TNR: variants seen among roughly 807,000 people sequenced by gnomAD.
TNR encodes the protein tenascin-R.
Under a neutral mutation model 150.4 loss-of-function variants are expected in TNR, and 45 were observed. That is an observed-to-expected ratio of 0.30 (90% CI 0.24 to 0.38). The LOEUF (loss-of-function observed/expected upper bound fraction) is 0.38. Ranked by LOEUF, TNR falls within the 10% of genes least tolerant of loss-of-function variation. The probability of loss-of-function intolerance (pLI) is 1.00; values close to 1 mark genes in which losing one functional copy is unlikely to be tolerated. For missense variants in TNR, 1,544 were observed against 1,759.1 expected (o/e 0.88, Z 2.19); for synonymous variants, 687 against 678.4 (o/e 1.01, Z -0.20).
intron 9 of TNR, among the ~76,000 whole-genome samples, chr1:175,373,968 C>A (rs1403629048): frequency 6.6e-6 from 1 of 152,154 alleles, no homozygotes; most frequent in Admixed American, 6.5e-5. Context: ...TTAGAGGGTG[C>A]CTTACCAAAG....
intron 2 of TNR, among the ~76,000 whole-genome samples, chr1:175,448,187 T>A (rs953177471): frequency 2.0e-5 from 3 of 152,094 alleles, no homozygotes; most frequent in African/African-American, 7.2e-5. Flanking sequence ...ACCTCCCACA[T>A]CCTGCTCTAA....
chr1:175,476,355 G>C (rs1384370214), intron 2 of TNR, among the ~76,000 whole-genome samples: 1 of 152,204 alleles, frequency 6.6e-6, no homozygotes, highest in Admixed American at 6.5e-5. Flanking sequence ...TATGGCAAAA[G>C]TACTTTCCTA....
chr1:175,465,952 C>G (rs1462735120), intron 2 of TNR, among the ~76,000 whole-genome samples: 1 of 152,136 alleles, frequency 6.6e-6, no homozygotes, highest in Non-Finnish European at 1.5e-5. Context: ...CATTTTCATA[C>G]CCTAAATCTG....
chr1:175,354,377 C>T lies in TNR; in HGVS notation c.3382+14G>A, dbSNP rs368037551. 2 of 1,612,610 alleles carry T rather than the reference C, an allele frequency of 1.2e-6. No individual in the cohort carries two copies. The highest frequency in any genetic ancestry group is 1.3e-5 in the African/African-American group (1 of 74,996). ...AGTGGAGAAGAAGGCATCAAAGTGG[C>T]CATGCTCCCTCACCTGTGGTGAAAG... On this transcript the variant is annotated intron_variant, in intron 18 of 22. Transcript: ENST00000367674.
At chr1:175,606,556 A>G (rs1280819587) in intron 1 of TNR, among the ~76,000 whole-genome samples, 1 of 152,112 alleles carries the variant, frequency 6.6e-6, no homozygotes, top group African/African-American at 2.4e-5. Flanking sequence ...TCTCATCTGT[A>G]AAGTGAAGGG....
At chr1:175,362,607 T>C in intron 14 of TNR, 56 bp downstream of exon 14, 6 of 1,589,854 alleles carry the variant, frequency 3.8e-6, no homozygotes, top group Non-Finnish European at 5.2e-6. Context: ...CCCGAACAAC[T>C]TCACCCAGAT....
Position 175,356,696 on chromosome 1 carries a change from C to A in TNR, c.2975-234G>T, listed in dbSNP as rs76678817. Among the ~76,000 whole-genome samples the A allele has an allele frequency of 9.2e-5, 14 of 152,252 alleles. No homozygotes were observed. The East Asian group carries it at 2.5e-3, about 27-fold the overall frequency. On this transcript the variant is annotated intron_variant, in intron 15 of 22. Coordinates refer to ENST00000367674, the MANE Select transcript of TNR (RefSeq NM_003285.3). ...GGTCAAATTGTCTTCTCTATAACTTCTATTCGTGTCTCTGGAGTTATTAAG... is the reference window on the plus strand; with the variant it reads ...GGTCAAATTGTCTTCTCTATAACTTATATTCGTGTCTCTGGAGTTATTAAG...
At chr1:175,635,597 C>T (rs1364627204) in intron 1 of TNR, among the ~76,000 whole-genome samples, 1 of 152,140 alleles carries the variant, frequency 6.6e-6, no homozygotes, top group Non-Finnish European at 1.5e-5. Context: ...TCCAGTTGCA[C>T]CAAGACAGAT....
chr1:175,566,791 C>T (rs1661662690), intron 1 of TNR, among the ~76,000 whole-genome samples: 1 of 152,208 alleles, frequency 6.6e-6, no homozygotes, highest in Non-Finnish European at 1.5e-5. Context: ...TCTGCAATCT[C>T]CTACTCACTT....
At chr1:175,654,867 C>T (rs546265965) in intron 1 of TNR, among the ~76,000 whole-genome samples, 15 of 151,840 alleles carry the variant, frequency 9.9e-5, no homozygotes, top group Admixed American at 2.0e-4. Flanking sequence ...TACAGGCACC[C>T]GCCACCACAG....
chr1:175,433,304 C>T (rs1378721455), intron 2 of TNR, among the ~76,000 whole-genome samples: 1 of 152,186 alleles, frequency 6.6e-6, no homozygotes, highest in Non-Finnish European at 1.5e-5. Context: ...CTAACCTCAT[C>T]AAAAAATATT....
rs919965777 is a variant in TNR at position 175,565,756 on chromosome 1, A to C, written c.-164-37387T>G. Among the ~76,000 whole-genome samples, 3 of 152,254 alleles carry C rather than the reference A, an allele frequency of 2.0e-5. 1 individual carries two copies. On this transcript the variant is annotated intron_variant, in intron 1 of 22. Coordinates refer to ENST00000367674, the MANE Select transcript of TNR (RefSeq NM_003285.3). Reference sequence around the variant, plus strand: ...TGCTCATCAAAGTACTGTTAGAAATACTGAAAAATGATCTATGTGTCCAAT... The same window carrying C: ...TGCTCATCAAAGTACTGTTAGAAATCCTGAAAAATGATCTATGTGTCCAAT...
Position 175,346,184 on chromosome 1 carries a change from A to G in TNR, c.3382+8207T>C, listed in dbSNP as rs111344714. ...CATTACTGAAAATTTAGAGAACACA[A>G]ATAAGAGTGACAAGTTCTAGAGATG... On this transcript the variant is annotated intron_variant, in intron 18 of 22. Coordinates refer to ENST00000367674, the MANE Select transcript of TNR (RefSeq NM_003285.3). Among the ~76,000 whole-genome samples the G allele has an allele frequency of 8.7e-3, 1,326 of 152,340 alleles. 20 individuals carry two copies. The highest frequency in any genetic ancestry group is 0.028 in the African/African-American group (1,175 of 41,594).
intron 1 of TNR, among the ~76,000 whole-genome samples, chr1:175,540,414 GA>G (rs1189887846): frequency 2.6e-5 from 4 of 152,182 alleles, no homozygotes; most frequent in Admixed American, 6.5e-5. Context: ...GAGGAGAAGG[GA>G]AAGGTTTTCA....
chr1:175,410,101 G>A (rs969487202), intron 2 of TNR, among the ~76,000 whole-genome samples: 7 of 152,270 alleles, frequency 4.6e-5, no homozygotes, highest in African/African-American at 1.7e-4. Context: ...GAGGACACCC[G>A]ACAGAAGTGG....
rs1381213933 is a variant in TNR, at chr1:175,418,709, C to A, written c.-63-11932G>T. ...GCTGCACTCCAGCCTGGTGACAGAG[C>A]GAGAGAGAGAGAGAAAAAAAAAAAA... On this transcript the variant is annotated intron_variant, in intron 2 of 22. Transcript: ENST00000367674. Among the ~76,000 whole-genome samples the A allele has an allele frequency of 9.5e-5, 13 of 137,440 alleles. No individual in the cohort carries two copies. In the East Asian group the frequency reaches 1.6e-3, roughly 17 times the overall value. 90.2% of individuals were successfully genotyped at this position (137,440 alleles called of 152,430 possible).
chr1:175,377,012 C>T (rs1652422713), intron 9 of TNR, among the ~76,000 whole-genome samples: 1 of 152,054 alleles, frequency 6.6e-6, no homozygotes, highest in Admixed American at 6.6e-5. Context: ...TTACATTTTA[C>T]TTCTTTAGCA....
At chr1:175,331,029 C>CTTTCT (rs1649747905) in intron 20 of TNR, among the ~76,000 whole-genome samples, 1 of 68,122 alleles carries the variant, frequency 1.5e-5, no homozygotes, top group African/African-American at 4.8e-5. Flanking sequence ...TTCTTTCTTT[C>CTTTCT]TTTCTTTCTT....
chr1:175,332,979 T>C (rs1650022779), intron 20 of TNR, among the ~76,000 whole-genome samples: 1 of 152,244 alleles, frequency 6.6e-6, no homozygotes, highest in Non-Finnish European at 1.5e-5. Flanking sequence ...AAGAAGGAGA[T>C]ACCTTAACCC....
Sources: gnomAD v4.1 joint callset for allele counts (sites outside exome capture counted in the v4.1 genomes callset) on GRCh38, gnomAD v4.1.1 for gene constraint, MANE v1.5 for transcripts, NCBI Gene and HGNC (gene_info 2026-07-23, HGNC 2026-07-21) for gene names.